NEBL: variants seen among roughly 807,000 people sequenced by gnomAD.
NEBL encodes LIM and SH3 protein 2.
Under a neutral mutation model 140.2 loss-of-function variants are expected in NEBL, and 122 were observed. The ratio of observed to expected loss-of-function variants is 0.87; its 90% CI spans 0.75 to 1.01. The LOEUF (loss-of-function observed/expected upper bound fraction) is 1.01. Among genes scored for constraint, NEBL ranks in the 50% least tolerant of loss-of-function variants. The pLI is 0.00. For synonymous variants in NEBL, 436 were observed against 398.9 expected (o/e 1.09, Z -1.11); for missense variants, 1,365 against 1,231.3 (o/e 1.11, Z -1.62).
intron 2 of NEBL, among the ~76,000 whole-genome samples, chr10:21,134,238 A>T (rs1331211635): frequency 6.6e-6 from 1 of 152,064 alleles, no homozygotes; most frequent in Non-Finnish European, 1.5e-5. Context: ...GAAAAAAAAA[A>T]AAAATCTAAG....
chr10:20,916,351 C>T lies in NEBL; in HGVS notation c.357+45321G>A, dbSNP rs189009829. Reference sequence around the variant, plus strand: ...TATAAAAACAGCTAGAGTTCTATTACGAAATATTTCTTAGATAGCTCTGAA... The same window carrying T: ...TATAAAAACAGCTAGAGTTCTATTATGAAATATTTCTTAGATAGCTCTGAA... On this transcript the variant is annotated intron_variant, in intron 4 of 6. Transcript: ENST00000417816. 7.1e-4 allele frequency among the ~76,000 whole-genome samples: 108 copies of T among 152,232 alleles called. No individual in the cohort carries two copies. The South Asian group carries it at 7.9e-3, about 11-fold the overall frequency.
intron 2 of NEBL, among the ~76,000 whole-genome samples, chr10:21,053,785 C>T (rs947888551): frequency 1.3e-5 from 2 of 152,146 alleles, no homozygotes; most frequent in Non-Finnish European, 2.9e-5. Context: ...GTAATCCCAG[C>T]ACTTTGGGAG....
intron 4 of NEBL, among the ~76,000 whole-genome samples, chr10:20,886,820 G>A (rs944264680): frequency 1.3e-5 from 2 of 152,116 alleles, no homozygotes; most frequent in African/African-American, 4.8e-5. Context: ...ACTTCTGTGT[G>A]TTTACTATTA....
chr10:20,999,848 A>C (rs1476877403), intron 3 of NEBL, among the ~76,000 whole-genome samples: 1 of 152,044 alleles, frequency 6.6e-6, no homozygotes, highest in Non-Finnish European at 1.5e-5. Context: ...CTTCTCCCAT[A>C]ATAATCTATA....
intron 3 of NEBL, among the ~76,000 whole-genome samples, chr10:21,228,052 G>A (rs1050914809): frequency 6.6e-6 from 1 of 151,754 alleles, no homozygotes; most frequent in Non-Finnish European, 1.5e-5. Flanking sequence ...CCCATATGAA[G>A]GAGTATTTTC....
intron 4 of NEBL, among the ~76,000 whole-genome samples, chr10:20,939,189 G>T (rs1227515665): frequency 6.6e-6 from 1 of 151,928 alleles, no homozygotes; most frequent in Non-Finnish European, 1.5e-5. Context: ...AGCCAGAAAG[G>T]TCAGGTTACC....
intron 3 of NEBL, among the ~76,000 whole-genome samples, chr10:21,198,384 CT>C (rs1321311701): frequency 6.6e-6 from 1 of 152,182 alleles, no homozygotes; most frequent in Admixed American, 6.5e-5. Flanking sequence ...CAGGCTGCTG[CT>C]TCCTTTAAAA....
intron 2 of NEBL, among the ~76,000 whole-genome samples, chr10:21,037,505 T>A (rs1269901784): frequency 6.6e-6 from 1 of 152,044 alleles, no homozygotes; most frequent in African/African-American, 2.4e-5. Context: ...AAAATATATG[T>A]GTTGAAATTA....
At chr10:21,066,695 G>A (rs558678607) in intron 2 of NEBL, among the ~76,000 whole-genome samples, 5 of 152,274 alleles carry the variant, frequency 3.3e-5, no homozygotes, top group Non-Finnish European at 7.4e-5. Flanking sequence ...TTAAAACACA[G>A]CAATACAAGA....
intron 3 of NEBL, among the ~76,000 whole-genome samples, chr10:21,199,287 C>G (rs1007316146): frequency 6.6e-6 from 1 of 152,096 alleles, no homozygotes; most frequent in African/African-American, 2.4e-5. Context: ...CCCACCTCAG[C>G]CTCCCAAAGT....
At chr10:21,029,800 T>C (rs1589152543) in intron 2 of NEBL, 6 of 730,418 alleles carry the variant, frequency 8.2e-6, no homozygotes, top group East Asian at 4.9e-5. Context: ...GCAGAGACTA[T>C]GCTAGAGGCT....
Position 21,196,313 on chromosome 10 carries a change from TTTTATTTATTTATTTA to T in NEBL, n.349-23852_349-23837del, listed in dbSNP as rs10629849. ...CACCACGCCGGGCCTATATTTTTAT[TTTTATTTATTTATTTA>T]TTTATTTATTTATTTATTTATCTAT... On this transcript the variant is annotated intron_variant and non_coding_transcript_variant, in intron 3 of 8. Coordinates refer to the NEBL transcript ENST00000675702. Among the ~76,000 whole-genome samples the T allele has an allele frequency of 1.6e-4, 23 of 140,586 alleles. 1 individual carries two copies. Among genetic ancestry groups the T allele is most frequent in the South Asian group, 6.9e-4 (3 of 4,342 alleles). The allele number at this position is 140,586 out of a possible 152,430, so 92.2% of individuals were successfully genotyped here.
intron 4 of NEBL, among the ~76,000 whole-genome samples, chr10:20,929,398 G>C (rs1387729393): frequency 1.3e-5 from 2 of 151,864 alleles, no homozygotes; most frequent in African/African-American, 4.8e-5. Context: ...GCCTTTCCTA[G>C]TCAATAAAAT....
intron 2 of NEBL, among the ~76,000 whole-genome samples, chr10:21,097,250 G>A (rs960077238): frequency 6.6e-6 from 1 of 151,080 alleles, no homozygotes; most frequent in African/African-American, 2.5e-5. Context: ...CACAAGGTCA[G>A]GGGTTCGAGA....
intron 2 of NEBL, among the ~76,000 whole-genome samples, chr10:21,034,387 C>G (rs533155242): frequency 6.6e-6 from 1 of 152,256 alleles, no homozygotes; most frequent in East Asian, 1.9e-4. Flanking sequence ...GGGCTACCTC[C>G]TGTGCTCAGA....
At chr10:20,788,243 C>T (rs1312285018) in intron 26 of NEBL, among the ~76,000 whole-genome samples, 1 of 152,090 alleles carries the variant, frequency 6.6e-6, no homozygotes, top group Non-Finnish European at 1.5e-5. Flanking sequence ...GCGTGCCCTT[C>T]ATTGTCTTTT....
Position 20,785,590 on chromosome 10 carries a change from G to T in NEBL, c.*157C>A. Reference sequence around the variant, plus strand: ...AAATGCTGCTGTTTTCAGCCCAGAGGTCATTCCTTCTTCCTGGTACCTGTG... The same window carrying T: ...AAATGCTGCTGTTTTCAGCCCAGAGTTCATTCCTTCTTCCTGGTACCTGTG... On this transcript the variant is annotated 3_prime_UTR_variant, in exon 28 of 28. Transcript: ENST00000377122. The T allele has an allele frequency of 2.3e-6, 2 of 856,934 alleles. No individual in the cohort carries two copies. Among genetic ancestry groups the T allele is most frequent in the Non-Finnish European group, 3.7e-6 (2 of 541,166 alleles). The allele number at this position is 856,934 out of a possible 1,614,324, so 53.1% of individuals were successfully genotyped here.
At chr10:21,225,713 A>G (rs751996935) in intron 3 of NEBL, among the ~76,000 whole-genome samples, 27 of 152,144 alleles carry the variant, frequency 1.8e-4, no homozygotes, top group Non-Finnish European at 3.4e-4. Context: ...ATGTTCACTC[A>G]AGGCCCAAGC....
At chr10:20,963,285 C>T (rs1447504377) in intron 3 of NEBL, among the ~76,000 whole-genome samples, 1 of 152,086 alleles carries the variant, frequency 6.6e-6, no homozygotes, top group Non-Finnish European at 1.5e-5. Flanking sequence ...CCTAACTAAG[C>T]AGGCAAGCTA....
Sources: gnomAD v4.1 joint callset for allele counts (sites outside exome capture counted in the v4.1 genomes callset) on GRCh38, gnomAD v4.1.1 for gene constraint, MANE v1.5 for transcripts, NCBI Gene and HGNC (gene_info 2026-07-23, HGNC 2026-07-21) for gene names.